NEK10: variants seen among roughly 807,000 people sequenced by gnomAD.
The protein encoded by NEK10 is serine/threonine-protein kinase Nek10.
Under a neutral mutation model 159.8 loss-of-function variants are expected in NEK10, and 122 were observed. The observed-to-expected ratio is 0.76, with a 90% confidence interval of 0.66 to 0.89. NEK10 has a LOEUF of 0.89. Ranked by LOEUF, NEK10 falls within the 40% of genes least tolerant of loss-of-function variation. The pLI is 0.00. For missense variants in NEK10, 1,342 were observed against 1,323.1 expected, an observed-to-expected ratio of 1.01 and a Z score of -0.22; for synonymous variants, 466 against 457.1, an observed-to-expected ratio of 1.02 and a Z score of -0.25.
chr3:27,277,281 C>G (rs536193682), intron 22 of NEK10, among the ~76,000 whole-genome samples: 2 of 152,252 alleles, frequency 1.3e-5, no homozygotes, highest in Admixed American at 1.3e-4. Flanking sequence ...CCTGGAACTA[C>G]TCACTCTCAG....
chr3:27,201,458 A>G (rs757150276), intron 25 of NEK10, 52 bp downstream of exon 25: 4 of 1,406,110 alleles, frequency 2.8e-6, no homozygotes, highest in Non-Finnish European at 4.0e-6. Context: ...TATTATAGAA[A>G]TGAGGTATTT....
rs770025472 is a variant in NEK10, at chr3:27,201,552, G to T, written c.2249C>A (p.Pro750Gln). 1 of 1,613,968 alleles carries T rather than the reference G, an allele frequency of 6.2e-7. No individual in the cohort carries two copies. The highest frequency in any genetic ancestry group is 8.5e-7 in the Non-Finnish European group (1 of 1,179,926). Reference sequence around the variant, plus strand: ...TACTTTTTCAGAGTAGATACCTTCTGGGACTGGTTCATATACCGCCTCCAC... The same window carrying T: ...TACTTTTTCAGAGTAGATACCTTCTTGGACTGGTTCATATACCGCCTCCAC... ...KIVEAVYEPVPEGIYSEKVTD... is the reference protein window; with the variant it reads ...KIVEAVYEPVQEGIYSEKVTD... The change falls in exon 25 of 36, where the codon CCA becomes CAA. Residue 750 changes from proline (P) to glutamine (Q), a missense_variant. By Grantham distance (76) the Pro-to-Gln change is moderately conservative. Transcript: ENST00000691995.
In NEK10 at chr3:27,304,951, C is replaced by A. The variant is rs768893065; in HGVS notation, c.824G>T (p.Arg275Leu). 1 of 1,611,972 alleles carries A rather than the reference C, an allele frequency of 6.2e-7. No individual in the cohort carries two copies. Among genetic ancestry groups the A allele is most frequent in the South Asian group, 1.1e-5 (1 of 90,952 alleles). Residue 275 changes from arginine to leucine, a missense_variant, in exon 12 of 36, where the codon CGC becomes CTC. Arg to Leu is a moderately radical substitution (Grantham distance 102). Transcript: ENST00000691995. ...LSKRLTAELL[R>L]LLCAEPQVKE... The stretch of plus-strand genomic sequence containing the variant: ...CACCTGGGGCTCTGCACAAAGTAGG[C>A]GCAGCAACTCCGCTGTTAGTCTGAA...
chr3:27,139,525 A>G (rs1943566661), intron 31 of NEK10, among the ~76,000 whole-genome samples: 1 of 152,182 alleles, frequency 6.6e-6, no homozygotes, highest in South Asian at 2.1e-4. Flanking sequence ...CAACCCAGAG[A>G]ACATGTACAG....
chr3:27,319,988 G>A (rs558351641), intron 6 of NEK10, among the ~76,000 whole-genome samples: 18 of 152,176 alleles, frequency 1.2e-4, no homozygotes, highest in East Asian at 1.9e-4. Flanking sequence ...AGCCACTGGC[G>A]TAAGTCGCAA....
intron 23 of NEK10, among the ~76,000 whole-genome samples, chr3:27,218,462 G>T (rs572648546): frequency 3.3e-5 from 5 of 151,928 alleles, no homozygotes; most frequent in African/African-American, 1.2e-4. Flanking sequence ...AAAATTAGCC[G>T]GGCTTGGTGG....
chr3:27,254,521 C>A (rs1559368173), intron 23 of NEK10, among the ~76,000 whole-genome samples: 1 of 152,178 alleles, frequency 6.6e-6, no homozygotes. Context: ...GGACTGAGTT[C>A]TTTTAACTCC....
chr3:27,347,304 C>T (rs773749024), intron 3 of NEK10, among the ~76,000 whole-genome samples: 53 of 151,964 alleles, frequency 3.5e-4, no homozygotes, highest in Admixed American at 5.2e-4. Flanking sequence ...CACCTGAGTT[C>T]GGGAGCCTGA....
intron 31 of NEK10, among the ~76,000 whole-genome samples, chr3:27,138,538 C>T (rs1029448968): frequency 4.6e-5 from 7 of 152,170 alleles, no homozygotes; most frequent in Non-Finnish European, 1.5e-5. Context: ...TTAGATTTCT[C>T]TTCCCCTCCC....
At chr3:27,277,357 C>T (rs376039518) in intron 22 of NEK10, among the ~76,000 whole-genome samples, 6 of 152,178 alleles carry the variant, frequency 3.9e-5, no homozygotes, top group African/African-American at 1.4e-4. Context: ...GCTTTTTGCA[C>T]CTGAACATAT....
rs570215994 is a variant in NEK10 at position 27,215,312 on chromosome 3, C to G, written c.2091-12755G>C. ...TACTATCTGGGTAACCCATGGGATG[C>G]CAACTCTATATGGAGAGAATAAACT... On this transcript the variant is annotated intron_variant, in intron 23 of 35. Transcript: ENST00000691995. Among the ~76,000 whole-genome samples, 265 of 152,242 alleles carry G rather than the reference C, an allele frequency of 1.7e-3. 2 individuals are homozygous for G. Among genetic ancestry groups the G allele is most frequent in the African/African-American group, 6.1e-3 (253 of 41,530 alleles).
At chr3:27,265,562 A>G (rs2040818026) in intron 22 of NEK10, 1 of 152,090 alleles carries the variant, frequency 6.6e-6, no homozygotes. Context: ...TTTATTTGCC[A>G]TCTGGGCATC....
intron 1 of NEK10, among the ~76,000 whole-genome samples, chr3:27,368,872 C>G (rs750476731): frequency 3.3e-5 from 5 of 152,114 alleles, no homozygotes; most frequent in Non-Finnish European, 7.4e-5. Context: ...AAGCGACGCT[C>G]ATAGAGATGA....
intron 23 of NEK10, 92 bp from the exon 24 acceptor site, chr3:27,202,649 A>C (rs1950156649): frequency 7.4e-7 from 1 of 1,358,092 alleles, no homozygotes; most frequent in South Asian, 1.9e-5. Flanking sequence ...GTTATTTTTT[A>C]AGTATCTGAA....
chr3:27,246,655 AT>A (rs921723345), intron 23 of NEK10, among the ~76,000 whole-genome samples: 5 of 152,070 alleles, frequency 3.3e-5, no homozygotes, highest in African/African-American at 1.2e-4. Context: ...CACTAATTCT[AT>A]TTTTTATACC....
At chr3:27,128,203 C>T (rs902343150) in intron 32 of NEK10, among the ~76,000 whole-genome samples, 1 of 152,100 alleles carries the variant, frequency 6.6e-6, no homozygotes, top group African/African-American at 2.4e-5. Context: ...GTTCCAACAA[C>T]ACTTTATTTA....
intron 3 of NEK10, 42 bp downstream of exon 3, chr3:27,352,423 T>C (rs2048032561): frequency 7.3e-7 from 1 of 1,368,548 alleles, no homozygotes; most frequent in East Asian, 2.3e-5. Context: ...AAACATATGA[T>C]TTTTCTTTTA....
At chr3:27,227,771 A>G (rs1226067029) in intron 23 of NEK10, among the ~76,000 whole-genome samples, 1 of 152,242 alleles carries the variant, frequency 6.6e-6, no homozygotes, top group Non-Finnish European at 1.5e-5. Context: ...GAGAATAATA[A>G]AAATGTTTTT....
At chr3:27,187,994 G>A (rs1219519314) in intron 26 of NEK10, among the ~76,000 whole-genome samples, 1 of 152,156 alleles carries the variant, frequency 6.6e-6, no homozygotes, top group African/African-American at 2.4e-5. Context: ...TCCTGGGGCT[G>A]TCCCTAACTA....
Sources: gnomAD v4.1 joint callset for allele counts (sites outside exome capture counted in the v4.1 genomes callset) on GRCh38, gnomAD v4.1.1 for gene constraint, MANE v1.5 for transcripts, NCBI Gene and HGNC (gene_info 2026-07-23, HGNC 2026-07-21) for gene names.